The following SMG6 variants were observed in gnomAD, a reference collection of about 807,000 sequenced individuals.
The protein encoded by SMG6 is telomerase-binding protein EST1A.
SMG6 carries 66 observed loss-of-function variants against 142.2 expected under a neutral mutation model. That is an observed-to-expected ratio of 0.46 (90% CI 0.38 to 0.57). The LOEUF (loss-of-function observed/expected upper bound fraction) is 0.57, where lower values mean the gene tolerates loss of function less well. Among genes scored for constraint, SMG6 ranks in the 20% least tolerant of loss-of-function variants. The pLI, the probability that SMG6 is intolerant of heterozygous loss-of-function variation, is 0.00. For missense variants in SMG6, 1,793 were observed against 1,832.0 expected (o/e 0.98, Z 0.39); for synonymous variants, 779 against 702.4 (o/e 1.11, Z -1.72).
At chr17:2,284,134 C>G (rs1008812757) in intron 6 of SMG6, among the ~76,000 whole-genome samples, 1 of 152,160 alleles carries the variant, frequency 6.6e-6, no homozygotes, top group African/African-American at 2.4e-5. Flanking sequence ...AGACCTTGGT[C>G]CAAATACTGG....
chr17:2,242,737 G>A (rs1184095998), intron 9 of SMG6, among the ~76,000 whole-genome samples: 1 of 143,772 alleles, frequency 7.0e-6, no homozygotes, highest in Non-Finnish European at 1.5e-5. Context: ...AGAAGCAGGA[G>A]TACCATCAAC....
chr17:2,179,393 T>C (rs768392206), intron 12 of SMG6, among the ~76,000 whole-genome samples: 2 of 152,106 alleles, frequency 1.3e-5, no homozygotes, highest in African/African-American at 4.8e-5. Flanking sequence ...CTTGAGAATT[T>C]CTATCTCATC....
At chr17:2,230,891 G>C (rs1246037429) in intron 10 of SMG6, among the ~76,000 whole-genome samples, 3 of 152,092 alleles carry the variant, frequency 2.0e-5, no homozygotes, top group Non-Finnish European at 2.9e-5. Context: ...CTAAACTGAG[G>C]CATCCTGAAA....
At position 2,186,822 on chromosome 17, in the gene SMG6, G is replaced by A; in HGVS notation, c.2996C>T (p.Ser999Phe). 6.2e-7 allele frequency: 1 copy of A among 1,614,106 alleles called. No individual in the cohort carries two copies. Among genetic ancestry groups the A allele is most frequent in the Non-Finnish European group, 8.5e-7 (1 of 1,180,006 alleles). Residue 999 changes from serine (S) to phenylalanine (F), a missense_variant, in exon 12 of 19, where the codon TCC becomes TTC. Around this residue, in one of 3 missense-constraint regions of SMG6, gnomAD observed 1,597 missense variants for 1,584.6 expected, o/e 1.01. Transcript: ENST00000263073. ...LLKESAKAQLSSPEDQDDQDD... is the reference protein window; with the variant it reads ...LLKESAKAQLFSPEDQDDQDD... ...TTGGTCATCCTGGTCCTCAGGAGAG[G>A]ACAGCTGAGCTGCAGAGGCAAAGGG...
rs1280234354 is a variant in SMG6 at position 2,059,932 on chromosome 17, C to G, written c.*1560G>C. On this transcript the variant is annotated 3_prime_UTR_variant, in exon 19 of 19. Coordinates refer to ENST00000263073, the MANE Select transcript of SMG6 (RefSeq NM_017575.5). ...GAGCTGGGTCTCCCTCCCGACCACC[C>G]AGTCATCGGCCTTCCAGCTGGGGAG... 6.5e-6 allele frequency: 1 copy of G among 153,300 alleles called. No individual in the cohort carries two copies. The highest frequency in any genetic ancestry group is 1.9e-4 in the East Asian group (1 of 5,204). 9.5% of individuals were successfully genotyped at this position (153,300 alleles called of 1,614,324 possible). A position where few individuals can be genotyped will look rare whatever the true frequency, so the allele number is the denominator to read the frequency against.
chr17:2,089,551 G>A (rs1328643950), intron 13 of SMG6: 1 of 152,554 alleles, frequency 6.6e-6, no homozygotes, highest in Non-Finnish European at 1.5e-5. Flanking sequence ...AGAGCTGAAA[G>A]AAAGCCCCTT....
chr17:2,288,669 C>A (rs1165012493), intron 6 of SMG6, among the ~76,000 whole-genome samples: 2 of 151,196 alleles, frequency 1.3e-5, no homozygotes, highest in Non-Finnish European at 2.9e-5. Context: ...GTGGCTCACA[C>A]CTGTATCCTA....
At chr17:2,094,363 T>C (rs2068802198) in intron 13 of SMG6, among the ~76,000 whole-genome samples, 1 of 152,012 alleles carries the variant, frequency 6.6e-6, no homozygotes, top group Non-Finnish European at 1.5e-5. Flanking sequence ...AGATTCTTCC[T>C]AAGTAGCTGG....
intron 17 of SMG6, 89 bp downstream of exon 17, chr17:2,065,379 G>T: frequency 7.4e-7 from 1 of 1,356,094 alleles, no homozygotes; most frequent in Non-Finnish European, 1.0e-6. Flanking sequence ...CAGCTGCCCA[G>T]GCTGATGGGC....
chr17:2,219,922 G>GTATT (rs1343665133), intron 10 of SMG6, among the ~76,000 whole-genome samples: 1 of 151,836 alleles, frequency 6.6e-6, no homozygotes, highest in East Asian at 1.9e-4. Flanking sequence ...TAAAAATATA[G>GTATT]TATTTATTTA....
chr17:2,263,515 G>T (rs2074360354), intron 8 of SMG6, among the ~76,000 whole-genome samples: 1 of 152,154 alleles, frequency 6.6e-6, no homozygotes, highest in African/African-American at 2.4e-5. Flanking sequence ...TGGATCAGAA[G>T]ATGGAAGACA....
chr17:2,076,065 G>T (rs1246234389), intron 15 of SMG6, among the ~76,000 whole-genome samples: 1 of 152,214 alleles, frequency 6.6e-6, no homozygotes, highest in Non-Finnish European at 1.5e-5. Flanking sequence ...GCAGGGAAGT[G>T]GGGGTGTGGT....
At chr17:2,271,573 G>C (rs541156108) in intron 8 of SMG6, among the ~76,000 whole-genome samples, 2 of 152,138 alleles carry the variant, frequency 1.3e-5, no homozygotes, top group African/African-American at 2.4e-5. Context: ...AAATTAGCTG[G>C]GCATGATGGC....
intron 10 of SMG6, chr17:2,213,555 G>A (rs1192223889): frequency 1.3e-5 from 2 of 152,026 alleles, no homozygotes; most frequent in African/African-American, 4.8e-5. Flanking sequence ...TGAGGGATGA[G>A]GGAAAAAAAT....
chr17:2,077,823 G>A (rs1441991259), intron 15 of SMG6, among the ~76,000 whole-genome samples: 3 of 152,048 alleles, frequency 2.0e-5, no homozygotes, highest in African/African-American at 7.2e-5. Context: ...CGTGCCCACT[G>A]TGTCTGGCAT....
chr17:2,297,432 C>G (rs887423099), intron 3 of SMG6, 79 bp from the exon 4 acceptor site: 2 of 1,020,172 alleles, frequency 2.0e-6, no homozygotes, highest in African/African-American at 1.6e-5. Context: ...GCAGACAACC[C>G]TTTCACAGTT....
chr17:2,112,539 ATAAAT>A (rs1188289016), intron 13 of SMG6, among the ~76,000 whole-genome samples: 50 of 147,852 alleles, frequency 3.4e-4, no homozygotes, highest in African/African-American at 1.1e-3. Flanking sequence ...AAATAAATAA[ATAAAT>A]AAATAAATAA....
intron 1 of SMG6, among the ~76,000 whole-genome samples, chr17:2,302,528 T>G (rs992107436): frequency 1.3e-5 from 2 of 152,202 alleles, no homozygotes; most frequent in African/African-American, 2.4e-5. Context: ...GCGACAGAGC[T>G]AGACTCCGTC....
intron 15 of SMG6, among the ~76,000 whole-genome samples, chr17:2,074,661 G>A (rs1414029592): frequency 6.6e-6 from 1 of 152,224 alleles, no homozygotes; most frequent in African/African-American, 2.4e-5. Context: ...AAGGAGAACT[G>A]CCTACTTTTC....
Sources: allele counts gnomAD v4.1 joint callset (sites outside exome capture counted in the v4.1 genomes callset), GRCh38; gene constraint gnomAD v4.1.1; regional missense constraint gnomAD v4.1.1; transcripts MANE v1.5; gene names NCBI Gene and HGNC (gene_info 2026-07-23, HGNC 2026-07-21).